The following SHROOM3 variants were observed in gnomAD, a reference collection of about 807,000 sequenced individuals.
SHROOM3 encodes the protein shroom family member 3.
A neutral mutation model predicts 138.6 loss-of-function variants in SHROOM3; 47 were observed. The observed-to-expected ratio is 0.34, with a 90% CI of 0.27 to 0.43. The LOEUF (loss-of-function observed/expected upper bound fraction) is 0.43, where lower values mean the gene tolerates loss of function less well. SHROOM3 is among the 20% of genes least tolerant of loss of function. The probability of loss-of-function intolerance (pLI) is 1.00; values close to 1 mark genes in which losing one functional copy is unlikely to be tolerated. For missense variants in SHROOM3, 2,491 were observed against 2,596.5 expected (o/e 0.96, Z 0.88); for synonymous variants, 1,062 against 1,063.3 (o/e 1.00, Z 0.02).
intron 2 of SHROOM3, among the ~76,000 whole-genome samples, chr4:76,675,461 T>C (rs1312681313): frequency 6.6e-6 from 1 of 152,224 alleles, no homozygotes; most frequent in Non-Finnish European, 1.5e-5. Flanking sequence ...ATCTATTATC[T>C]ACCATGCCTT....
chr4:76,457,243 T>C (rs1403424999), intron 1 of SHROOM3, among the ~76,000 whole-genome samples: 8 of 152,154 alleles, frequency 5.3e-5, no homozygotes, highest in African/African-American at 1.9e-4. Flanking sequence ...ATGAATGGTT[T>C]AGCACCATTA....
intron 2 of SHROOM3, among the ~76,000 whole-genome samples, chr4:76,699,657 G>A (rs369247567): frequency 6.6e-6 from 1 of 152,098 alleles, no homozygotes; most frequent in Non-Finnish European, 1.5e-5. Flanking sequence ...TTACCAAATC[G>A]ACTTTCCTGC....
chr4:76,734,794 G>T (rs1271737117), intron 4 of SHROOM3, among the ~76,000 whole-genome samples: 1 of 152,132 alleles, frequency 6.6e-6, no homozygotes, highest in Non-Finnish European at 1.5e-5. Flanking sequence ...AAATATTATA[G>T]ATACAGTCAA....
chr4:76,596,515 A>G (rs931340683), intron 2 of SHROOM3, among the ~76,000 whole-genome samples: 1 of 152,054 alleles, frequency 6.6e-6, no homozygotes, highest in African/African-American at 2.4e-5. Context: ...TTCTGGTCAC[A>G]TATCCCCATC....
At chr4:76,686,284 G>A (rs944435441) in intron 2 of SHROOM3, among the ~76,000 whole-genome samples, 1 of 152,026 alleles carries the variant, frequency 6.6e-6, no homozygotes, top group African/African-American at 2.4e-5. Context: ...GGGATTATAG[G>A]CATGAGCCCA....
At chr4:76,512,619 G>T (rs1475548055) in intron 1 of SHROOM3, among the ~76,000 whole-genome samples, 1 of 152,146 alleles carries the variant, frequency 6.6e-6, no homozygotes, top group Admixed American at 6.5e-5. Flanking sequence ...CTTTTTGGTG[G>T]TTACTATCTA....
At chr4:76,759,153 G>A (rs1257458469) in intron 8 of SHROOM3, among the ~76,000 whole-genome samples, 1 of 152,310 alleles carries the variant, frequency 6.6e-6, no homozygotes, top group African/African-American at 2.4e-5. Flanking sequence ...AAAACCTGAG[G>A]TTTGTGCAGC....
intron 2 of SHROOM3, among the ~76,000 whole-genome samples, chr4:76,570,892 T>C (rs984258567): frequency 1.3e-5 from 2 of 151,960 alleles, no homozygotes; most frequent in Non-Finnish European, 2.9e-5. Flanking sequence ...AGAAATGGGG[T>C]CAAAGAATGG....
intron 2 of SHROOM3, chr4:76,688,721 G>T: frequency 4.1e-6 from 4 of 985,316 alleles, no homozygotes; most frequent in Non-Finnish European, 4.8e-6. Flanking sequence ...AAATGCAAAT[G>T]GATATATTTT....
chr4:76,687,867 T>G (rs1265939972), intron 2 of SHROOM3, among the ~76,000 whole-genome samples: 1 of 152,136 alleles, frequency 6.6e-6, no homozygotes, highest in Admixed American at 6.5e-5. Context: ...CTTATGAGAT[T>G]TCACCTGACC....
chr4:76,740,940 G>A lies in SHROOM3; in HGVS notation c.2767G>A (p.Ala923Thr), dbSNP rs866493575. The change falls in exon 5 of 11, where the codon GCC becomes ACC. Residue 923 changes from alanine to threonine, a missense_variant. Coordinates refer to ENST00000296043, the MANE Select transcript of SHROOM3 (RefSeq NM_020859.4). The surrounding 1 kb of genome is among the most constrained non-coding windows in gnomAD (Gnocchi z 4.0). ...CCTGCTGGATGCCCCCTTCAGCCGCGCCTACCGGAACAGCATCAAGGACGC... is the reference window on the plus strand; with the variant it reads ...CCTGCTGGATGCCCCCTTCAGCCGCACCTACCGGAACAGCATCAAGGACGC... Reference protein sequence around the residue: ...SPLLDAPFSRAYRNSIKDAQS... With the variant: ...SPLLDAPFSRTYRNSIKDAQS... 5 of 1,496,822 alleles carry A rather than the reference G, an allele frequency of 3.3e-6. No individual in the cohort carries two copies. In the East Asian group the frequency reaches 7.2e-5, roughly 21 times the overall value. The allele number at this position is 1,496,822 out of a possible 1,614,324, so 92.7% of individuals were successfully genotyped here.
At chr4:76,545,238 T>G (rs759120599) in intron 1 of SHROOM3, among the ~76,000 whole-genome samples, 1 of 152,216 alleles carries the variant, frequency 6.6e-6, no homozygotes, top group Non-Finnish European at 1.5e-5. Flanking sequence ...ATCGGCCACC[T>G]TGGGGTAGAT....
chr4:76,677,527 C>T lies in SHROOM3; in HGVS notation c.324-32629C>T, dbSNP rs149592766. On this transcript the variant is annotated intron_variant, in intron 2 of 10. Coordinates refer to ENST00000296043, the MANE Select transcript of SHROOM3 (RefSeq NM_020859.4). ...CCAGGCGAGGTGAATGACCAGGCAG[C>T]ACAAAATACATGGTGGCTGCTTCTC... Among the ~76,000 whole-genome samples, 292 of 152,292 alleles carry T rather than the reference C, an allele frequency of 1.9e-3. 2 individuals are homozygous for T. Among genetic ancestry groups the T allele is most frequent in the African/African-American group, 6.2e-3 (257 of 41,558 alleles).
At chr4:76,501,632 T>C (rs6847099) in intron 1 of SHROOM3, among the ~76,000 whole-genome samples, 148,714 of 152,246 alleles carry the variant, frequency 0.98, 72,679 homozygotes, top group African/African-American at 0.99. Context: ...TCAGCCCTAA[T>C]CCACCAACTT....
intron 5 of SHROOM3, among the ~76,000 whole-genome samples, chr4:76,744,786 T>C (rs1578012880): frequency 6.6e-6 from 1 of 152,192 alleles, no homozygotes; most frequent in African/African-American, 2.4e-5. Flanking sequence ...CTCCAACAAA[T>C]GTTGCTTGCT....
intron 1 of SHROOM3, among the ~76,000 whole-genome samples, chr4:76,554,243 A>G (rs1158942721): frequency 1.3e-5 from 2 of 151,976 alleles, no homozygotes; most frequent in Admixed American, 6.6e-5. Flanking sequence ...TTCACTTAGA[A>G]ATATGCATTT....
chr4:76,693,094 T>A (rs1462493363), intron 2 of SHROOM3, among the ~76,000 whole-genome samples: 1 of 152,198 alleles, frequency 6.6e-6, no homozygotes, highest in African/African-American at 2.4e-5. Flanking sequence ...ATTAAATAAA[T>A]ACCTCTGAGC....
chr4:76,599,615 G>C (rs1734462519), intron 2 of SHROOM3, among the ~76,000 whole-genome samples: 1 of 152,170 alleles, frequency 6.6e-6, no homozygotes, highest in Admixed American at 6.5e-5. Flanking sequence ...CATCATGACG[G>C]TGTCCTAGCA....
At position 76,740,426 on chromosome 4, in the gene SHROOM3, G is replaced by T. The variant is rs551232265; in HGVS notation, c.2253G>T (p.Pro751=). ...AAGAGCCGCCTGCCCCCTCGCACCC[G>T]CACACATCCAGTCTGGGCCGGAGGG... ...SPEEPPAPSH[P]HTSSLGRRGP... is the part of the protein sequence containing the mutation. The change falls in exon 5 of 11, where the codon CCG becomes CCT. Residue 751 remains proline (P), a synonymous_variant. Coordinates refer to ENST00000296043, the MANE Select transcript of SHROOM3 (RefSeq NM_020859.4). The surrounding 1 kb of genome is among the most constrained non-coding windows in gnomAD (Gnocchi z 4.0). The T allele has an allele frequency of 2.5e-6, 4 of 1,612,868 alleles. No individual in the cohort carries two copies. The East Asian group carries it at 6.7e-5, about 27-fold the overall frequency.
Sources: allele counts gnomAD v4.1 joint callset (sites outside exome capture counted in the v4.1 genomes callset), GRCh38; gene constraint gnomAD v4.1.1; non-coding constraint Gnocchi (gnomAD v3.1); transcripts MANE v1.5; gene names NCBI Gene and HGNC (gene_info 2026-07-23, HGNC 2026-07-21).